Variants in DYNC2H1 observed in about 807,000 individuals in gnomAD.
DYNC2H1 encodes cytoplasmic dynein 2 heavy chain 1.
Under a neutral mutation model 570.0 loss-of-function variants are expected in DYNC2H1, and 410 were observed. The ratio of observed to expected loss-of-function variants is 0.72; its 90% CI spans 0.66 to 0.78. The LOEUF (loss-of-function observed/expected upper bound fraction) is 0.78, where lower values mean the gene tolerates loss of function less well. DYNC2H1 is among the 30% of genes least tolerant of loss of function. The pLI is 0.00. For synonymous variants in DYNC2H1, 1,688 were observed against 1,677.6 expected, an observed-to-expected ratio of 1.01 and a Z score of -0.15; for missense variants, 4,865 against 5,046.4, an observed-to-expected ratio of 0.96 and a Z score of 1.09.
Position 103,203,808 on chromosome 11 carries a change from A to T in DYNC2H1, c.8311+32A>T. 1 of 1,419,594 alleles carries T rather than the reference A, an allele frequency of 7.0e-7. No homozygotes were observed. Among genetic ancestry groups the T allele is most frequent in the Non-Finnish European group, 9.8e-7 (1 of 1,021,314 alleles). The allele number at this position is 1,419,594 out of a possible 1,614,324, so 87.9% of individuals were successfully genotyped here. The stretch of plus-strand genomic sequence containing the variant: ...GACATAGAATTCATTAATCAAATCA[A>T]ACTGGTTTGTATGAAATATATATCA... On this transcript the variant is annotated intron_variant, in intron 51 of 88. Coordinates refer to ENST00000375735, the MANE Select transcript of DYNC2H1 (RefSeq NM_001377.3). This position sits in a 1 kb window ranked among gnomAD's most constrained non-coding sequence, Gnocchi z 4.7.
In DYNC2H1 at chr11:103,201,980, A is replaced by G. The variant is rs1203510186; in HGVS notation, c.8198-1683A>G. ...TCATTTTCAACTCAGTTTTCAATAA[A>G]TACTTGCTTTGTATCATGCTAGTGC... On this transcript the variant is annotated intron_variant, in intron 50 of 88. Coordinates refer to ENST00000375735, the MANE Select transcript of DYNC2H1 (RefSeq NM_001377.3). The surrounding 1 kb of genome is among the most constrained non-coding windows in gnomAD (Gnocchi z 4.8). 6.6e-6 allele frequency among the ~76,000 whole-genome samples: 1 copy of G among 152,190 alleles called. No homozygotes were observed. The highest frequency in any genetic ancestry group is 6.5e-5 in the Admixed American group (1 of 15,270).
chr11:103,284,297 T>C (rs1190607634), intron 73 of DYNC2H1, among the ~76,000 whole-genome samples: 9 of 152,212 alleles, frequency 5.9e-5, no homozygotes, highest in African/African-American at 1.7e-4. Flanking sequence ...CCCTGCTCTG[T>C]ACTGAAGTCT....
chr11:103,296,361 T>G (rs1866825864), intron 75 of DYNC2H1, among the ~76,000 whole-genome samples: 1 of 152,360 alleles, frequency 6.6e-6, no homozygotes, highest in African/African-American at 2.4e-5. Flanking sequence ...TTGGAAATGC[T>G]TTTGAAAATA....
rs138551887 is a variant in DYNC2H1 at position 103,191,192 on chromosome 11, A to G, written c.7438-325A>G. On this transcript the variant is annotated intron_variant, in intron 45 of 88. Transcript: ENST00000375735. ...GTAGCTGGGACTACAAGCATGTGCCACCATGCCCAGCCAATTTTTATATTT... is the reference window on the plus strand; with the variant it reads ...GTAGCTGGGACTACAAGCATGTGCCGCCATGCCCAGCCAATTTTTATATTT... 0.01 allele frequency among the ~76,000 whole-genome samples: 1,555 copies of G among 151,618 alleles called. 28 individuals carry two copies. The highest frequency in any genetic ancestry group is 0.036 in the African/African-American group (1,484 of 41,328).
intron 45 of DYNC2H1, among the ~76,000 whole-genome samples, chr11:103,190,604 G>A (rs1360108359): frequency 6.6e-6 from 1 of 152,154 alleles, no homozygotes; most frequent in Non-Finnish European, 1.5e-5. Flanking sequence ...ACAAGTTATA[G>A]ACATGTTTGT....
chr11:103,408,677 C>T (rs1052352760), intron 84 of DYNC2H1, among the ~76,000 whole-genome samples: 1 of 152,026 alleles, frequency 6.6e-6, no homozygotes, highest in Non-Finnish European at 1.5e-5. Flanking sequence ...ATGTCCTGAT[C>T]CAACATTGAG....
intron 70 of DYNC2H1, among the ~76,000 whole-genome samples, chr11:103,260,765 G>A (rs902011186): frequency 9.9e-5 from 15 of 151,618 alleles, no homozygotes; most frequent in Admixed American, 2.0e-4. Flanking sequence ...GACTACTGGC[G>A]TGCACCACCA....
intron 66 of DYNC2H1, 53 bp from the exon 67 acceptor site, chr11:103,255,362 G>C: frequency 6.6e-7 from 1 of 1,510,978 alleles, no homozygotes; most frequent in Non-Finnish European, 8.8e-7. Flanking sequence ...GGAAGTTTTT[G>C]TTTTGTTTTA....
intron 84 of DYNC2H1, among the ~76,000 whole-genome samples, chr11:103,410,317 G>A (rs369013274): frequency 9.2e-5 from 14 of 152,132 alleles, no homozygotes; most frequent in East Asian, 3.9e-4. Flanking sequence ...AAAGGTTGTC[G>A]TGAGATTTTC....
rs1335936507 is a variant in DYNC2H1 at position 103,321,206 on chromosome 11, C to A, written c.11903C>A (p.Ser3968Tyr). ...AACAAGAAAAGCATTTTTCCATATTCCGTATCTCTACCACAATCCTGCAGC... is the reference window on the plus strand; with the variant it reads ...AACAAGAAAAGCATTTTTCCATATTACGTATCTCTACCACAATCCTGCAGC... Reference protein sequence around the residue: ...QRNKKSIFPYSVSLPQSCSIL... With the variant: ...QRNKKSIFPYYVSLPQSCSIL... The change falls in exon 81 of 89, where the codon TCC becomes TAC. Residue 3968 changes from serine (S) to tyrosine (Y), a missense_variant. Around this residue, in one of 5 missense-constraint regions of DYNC2H1, gnomAD observed 2,401 missense variants for 2,454.6 expected, o/e 0.98. Coordinates refer to ENST00000375735, the MANE Select transcript of DYNC2H1 (RefSeq NM_001377.3). The A allele has an allele frequency of 5.0e-6, 8 of 1,609,870 alleles. No individual in the cohort carries two copies. The highest frequency in any genetic ancestry group is 6.8e-6 in the Non-Finnish European group (8 of 1,177,764).
chr11:103,351,657 G>A (rs1056164759), intron 82 of DYNC2H1, among the ~76,000 whole-genome samples: 1 of 152,182 alleles, frequency 6.6e-6, no homozygotes, highest in African/African-American at 2.4e-5. Flanking sequence ...CATATATTCA[G>A]TGTCATCCTG....
intron 82 of DYNC2H1, among the ~76,000 whole-genome samples, chr11:103,357,675 A>G (rs534557319): frequency 5.9e-5 from 9 of 152,238 alleles, no homozygotes; most frequent in Admixed American, 1.3e-4. Flanking sequence ...GCTTTATGCC[A>G]GGACTGGTGG....
chr11:103,297,816 T>C (rs959308096), intron 75 of DYNC2H1, among the ~76,000 whole-genome samples: 1 of 152,158 alleles, frequency 6.6e-6, no homozygotes, highest in Non-Finnish European at 1.5e-5. Flanking sequence ...ATTTGCTTTA[T>C]TAGTACCAAC....
chr11:103,412,927 G>C (rs1943142184), intron 84 of DYNC2H1, among the ~76,000 whole-genome samples: 1 of 151,986 alleles, frequency 6.6e-6, no homozygotes, highest in Non-Finnish European at 1.5e-5. Context: ...TGTAGGAGTG[G>C]TTCTCAAAGT....
intron 87 of DYNC2H1, among the ~76,000 whole-genome samples, chr11:103,464,199 AAAT>A (rs1945117278): frequency 6.6e-6 from 1 of 152,228 alleles, no homozygotes; most frequent in Non-Finnish European, 1.5e-5. Context: ...TTGCAGTACA[AAAT>A]AACAAGAACT....
intron 83 of DYNC2H1, among the ~76,000 whole-genome samples, chr11:103,399,268 G>GA (rs1942529433): frequency 6.8e-6 from 1 of 146,524 alleles, no homozygotes; most frequent in Non-Finnish European, 1.5e-5. Context: ...TCAACCTCTT[G>GA]AGTGGCTGTG....
At position 103,176,246 on chromosome 11, in the gene DYNC2H1, C is replaced by A; in HGVS notation, c.5686C>A (p.His1896Asn). 1 of 1,492,804 alleles carries A rather than the reference C, an allele frequency of 6.7e-7. No individual in the cohort carries two copies. The highest frequency in any genetic ancestry group is 8.9e-7 in the Non-Finnish European group (1 of 1,126,164). 92.5% of individuals were successfully genotyped at this position (1,492,804 alleles called of 1,614,324 possible). ...SGTTQNANES[H>N]IVVQALRLNT... ...AAACTTTTTTCTAGCTAATGAAAGT[C>A]ATATTGTGGTACAAGCACTGAGGCT... is the stretch of plus-strand genomic sequence containing the variant. The change falls in exon 37 of 89, where the codon CAT (histidine) becomes AAT (asparagine). Residue 1896 changes from histidine to asparagine, a missense_variant. By Grantham distance (68) the His-to-Asn change is moderately conservative. Transcript: ENST00000375735.
chr11:103,116,480 G>C, intron 4 of DYNC2H1, 90 bp from the exon 5 acceptor site: 1 of 925,412 alleles, frequency 1.1e-6, no homozygotes, highest in South Asian at 3.4e-5. Flanking sequence ...TATTAGAGTT[G>C]TGGCAGTTGA....
rs375426776 is a variant in DYNC2H1 at position 103,286,274 on chromosome 11, A to G, written c.10910A>G (p.Tyr3637Cys). 6.8e-6 allele frequency: 11 copies of G among 1,613,634 alleles called. No individual in the cohort carries two copies. Among genetic ancestry groups the G allele is most frequent in the Non-Finnish European group, 9.3e-6 (11 of 1,179,790 alleles). ...TTTTAGATTGCTCTCCCCAGTCTTT[A>G]TCAGACCCTCTGCTTTGAAGATGCA... ...ATLKIALPSL[Y>C]QTLCFEDAAL... The change falls in exon 74 of 89, where the codon TAT becomes TGT. Residue 3637 changes from tyrosine to cysteine, a missense_variant. By Grantham distance (194) the Tyr-to-Cys change is radical (BLOSUM62 -2). Transcript: ENST00000375735.
Sources: gnomAD v4.1 joint callset for allele counts (sites outside exome capture counted in the v4.1 genomes callset) on GRCh38, gnomAD v4.1.1 for gene constraint, gnomAD v4.1.1 regional missense constraint, Gnocchi (gnomAD v3.1) non-coding constraint, MANE v1.5 for transcripts, NCBI Gene and HGNC (gene_info 2026-07-23, HGNC 2026-07-21) for gene names.